RCAN2: variants seen among roughly 807,000 people sequenced by gnomAD.
RCAN2 encodes calcipressin-2.
In RCAN2, 9 loss-of-function variants were observed where a neutral mutation model predicts 23.6. The ratio of observed to expected loss-of-function variants is 0.38; its 90% CI spans 0.23 to 0.67. RCAN2 has a LOEUF of 0.67. Ranked by LOEUF, RCAN2 falls within the 30% of genes least tolerant of loss-of-function variation. The pLI is 0.51. For missense variants in RCAN2, 273 were observed against 302.3 expected (o/e 0.90, Z 0.72); for synonymous variants, 109 against 115.7 (o/e 0.94, Z 0.37).
chr6:46,402,436 C>T (rs911425523), intron 2 of RCAN2, among the ~76,000 whole-genome samples: 7 of 152,138 alleles, frequency 4.6e-5, no homozygotes, highest in Non-Finnish European at 5.9e-5. Context: ...AACTAGAATC[C>T]CTCTTCCCCA....
intron 2 of RCAN2, among the ~76,000 whole-genome samples, chr6:46,304,446 T>A (rs1763002630): frequency 6.6e-6 from 1 of 152,158 alleles, no homozygotes; most frequent in Admixed American, 6.6e-5. Flanking sequence ...AATTTATCCA[T>A]CTTTCTATTC....
chr6:46,354,100 C>A (rs1398454933), intron 2 of RCAN2, among the ~76,000 whole-genome samples: 1 of 152,030 alleles, frequency 6.6e-6, no homozygotes, highest in Non-Finnish European at 1.5e-5. Context: ...AAATGTCAGT[C>A]ACTTTAATCC....
intron 2 of RCAN2, among the ~76,000 whole-genome samples, chr6:46,359,101 T>A (rs1034653237): frequency 6.6e-6 from 1 of 152,214 alleles, no homozygotes; most frequent in Non-Finnish European, 1.5e-5. Flanking sequence ...TCATCGGATC[T>A]AGTGTAAGGC....
At chr6:46,332,176 C>T (rs1460399907) in intron 2 of RCAN2, among the ~76,000 whole-genome samples, 1 of 152,130 alleles carries the variant, frequency 6.6e-6, no homozygotes, top group Non-Finnish European at 1.5e-5. Context: ...TAAAATATTT[C>T]CATGGCTCAA....
At chr6:46,481,529 CTGAT>C (rs1275334699) in intron 1 of RCAN2, among the ~76,000 whole-genome samples, 3 of 152,112 alleles carry the variant, frequency 2.0e-5, no homozygotes, top group African/African-American at 4.8e-5. Flanking sequence ...AATTCTTACT[CTGAT>C]TATTATTATA....
chr6:46,447,507 T>A (rs1767750473), intron 2 of RCAN2, among the ~76,000 whole-genome samples: 1 of 151,844 alleles, frequency 6.6e-6, no homozygotes. Flanking sequence ...CTAACAGACA[T>A]ATACAAAAGA....
chr6:46,263,503 A>ATG (rs879389951), intron 2 of RCAN2, among the ~76,000 whole-genome samples: 4 of 70,618 alleles, frequency 5.7e-5, no homozygotes, highest in South Asian at 6.3e-4. Flanking sequence ...GTATGTGTGT[A>ATG]TGTGTGTGTA....
At chr6:46,468,805 A>G in intron 1 of RCAN2, 1 of 985,144 alleles carries the variant, frequency 1.0e-6, no homozygotes, top group Non-Finnish European at 1.2e-6. Flanking sequence ...CTCACCTTTA[A>G]TCAGCACTTT....
At chr6:46,346,826 A>G (rs1391316865) in intron 2 of RCAN2, among the ~76,000 whole-genome samples, 6 of 151,820 alleles carry the variant, frequency 4.0e-5, no homozygotes, top group Non-Finnish European at 8.8e-5. Flanking sequence ...AACAGTAGGG[A>G]GAAAAATCTA....
intron 2 of RCAN2, among the ~76,000 whole-genome samples, chr6:46,325,237 T>C (rs1366606905): frequency 6.6e-6 from 1 of 152,264 alleles, no homozygotes; most frequent in African/African-American, 2.4e-5. Context: ...TTCCAACTTA[T>C]TCTACTTAAT....
intron 2 of RCAN2, among the ~76,000 whole-genome samples, chr6:46,305,132 A>T (rs916970976): frequency 6.6e-6 from 1 of 152,090 alleles, no homozygotes; most frequent in African/African-American, 2.4e-5. Context: ...ACTTCACATC[A>T]GTGCCTGGCT....
chr6:46,458,323 T>C (rs1768105808), intron 1 of RCAN2, among the ~76,000 whole-genome samples: 2 of 152,214 alleles, frequency 1.3e-5, no homozygotes, highest in South Asian at 4.1e-4. Context: ...TGAGGTTATG[T>C]TTTTTATTTT....
intron 2 of RCAN2, among the ~76,000 whole-genome samples, chr6:46,317,628 ATT>A (rs1005503735): frequency 6.6e-6 from 1 of 150,906 alleles, no homozygotes; most frequent in East Asian, 1.9e-4. Context: ...TGCCCGGCTA[ATT>A]TTTTTTTGTA....
At chr6:46,242,844 G>A (rs888653040) in intron 4 of RCAN2, among the ~76,000 whole-genome samples, 3 of 152,172 alleles carry the variant, frequency 2.0e-5, no homozygotes, top group South Asian at 2.1e-4. Flanking sequence ...CTATCTCTAG[G>A]CAGGCTAATA....
intron 2 of RCAN2, among the ~76,000 whole-genome samples, chr6:46,386,446 A>C (rs1043342193): frequency 9.3e-5 from 12 of 129,636 alleles, no homozygotes; most frequent in Non-Finnish European, 1.9e-4. Flanking sequence ...TAAAAATACA[A>C]AAAAAAAAAA....
At chr6:46,314,496 T>G (rs77037937) in intron 2 of RCAN2, among the ~76,000 whole-genome samples, 4,134 of 151,156 alleles carry the variant, frequency 0.027, 198 homozygotes, top group African/African-American at 0.096. Flanking sequence ...TAGGATAAGA[T>G]GCCTCCTAAG....
Position 46,286,333 on chromosome 6 carries a change from C to T in RCAN2, c.226-37437G>A, listed in dbSNP as rs555882181. ...ATCCTTTTTGACTACATGGCGGTGG[C>T]AATTTGCAAATTGTTCTTTGCTTCA... On this transcript the variant is annotated intron_variant, in intron 2 of 4. Coordinates refer to ENST00000371374, the MANE Select transcript of RCAN2 (RefSeq NM_001251974.2). Among the ~76,000 whole-genome samples the T allele has an allele frequency of 2.6e-5, 4 of 152,256 alleles. No individual in the cohort carries two copies. The South Asian group carries it at 8.3e-4, about 32-fold the overall frequency.
intron 2 of RCAN2, among the ~76,000 whole-genome samples, chr6:46,284,282 T>C (rs905018377): frequency 6.6e-6 from 1 of 152,108 alleles, no homozygotes; most frequent in South Asian, 2.1e-4. Context: ...ATATTTAGTC[T>C]CGGCAGAGTG....
chr6:46,401,977 T>C (rs1766259693), intron 2 of RCAN2, among the ~76,000 whole-genome samples: 1 of 152,138 alleles, frequency 6.6e-6, no homozygotes, highest in Admixed American at 6.5e-5. Context: ...GCAAAGCCCA[T>C]GTCATGGCAG....
Sources: gnomAD v4.1 joint callset for allele counts (sites outside exome capture counted in the v4.1 genomes callset) on GRCh38, gnomAD v4.1.1 for gene constraint, MANE v1.5 for transcripts, NCBI Gene and HGNC (gene_info 2026-07-23, HGNC 2026-07-21) for gene names.